The following MYO6 variants were observed in gnomAD, a reference collection of about 807,000 sequenced individuals.
The protein encoded by MYO6 is unconventional myosin-VI.
MYO6 carries 74 observed loss-of-function variants against 178.7 expected under a neutral mutation model. The observed-to-expected ratio is 0.41, with a 90% confidence interval of 0.34 to 0.50. The LOEUF (loss-of-function observed/expected upper bound fraction) is 0.50, where lower values mean the gene tolerates loss of function less well. Among genes scored for constraint, MYO6 ranks in the 20% least tolerant of loss-of-function variants. MYO6 has a pLI of 0.09. For synonymous variants in MYO6, 477 were observed against 504.6 expected, an observed-to-expected ratio of 0.95 and a Z score of 0.73; for missense variants, 1,330 against 1,547.4, an observed-to-expected ratio of 0.86 and a Z score of 2.36.
chr6:75,902,116 A>G (rs1779831281), intron 30 of MYO6, among the ~76,000 whole-genome samples: 1 of 152,108 alleles, frequency 6.6e-6, no homozygotes. Flanking sequence ...GTGCTGCTGG[A>G]TTTGGTTTGC....
chr6:75,886,727 A>G (rs983515637), intron 24 of MYO6, 117 bp from the exon 25 acceptor site: 1 of 972,258 alleles, frequency 1.0e-6, no homozygotes, highest in African/African-American at 1.6e-5. Flanking sequence ...GAAAAAGAGA[A>G]TAGTAGATAA....
chr6:75,866,810 G>A (rs6453845), intron 17 of MYO6, 122 bp from the exon 18 acceptor site: 4 of 1,133,226 alleles, frequency 3.5e-6, no homozygotes, highest in Admixed American at 1.9e-5. Flanking sequence ...TAGTGGTGAC[G>A]GCGTTGGACA....
intron 1 of MYO6, among the ~76,000 whole-genome samples, chr6:75,786,811 T>C (rs1767612985): frequency 6.6e-6 from 1 of 152,208 alleles, no homozygotes; most frequent in South Asian, 2.1e-4. Context: ...TGACTGTAAG[T>C]TGACATGCTG....
intron 30 of MYO6, among the ~76,000 whole-genome samples, chr6:75,903,104 T>C (rs2149400617): frequency 6.6e-6 from 1 of 152,334 alleles, no homozygotes; most frequent in African/African-American, 2.4e-5. Context: ...TTTGTTATAA[T>C]TTCTCTTCCT....
intron 13 of MYO6, among the ~76,000 whole-genome samples, chr6:75,857,786 T>G (rs970351854): frequency 1.2e-4 from 19 of 152,282 alleles, no homozygotes; most frequent in African/African-American, 4.6e-4. Flanking sequence ...TGTAGAGCTG[T>G]TCAACCAGAA....
At position 75,916,875 on chromosome 6, in the gene MYO6, G is replaced by A. The variant is rs1381080798; in HGVS notation, c.*1863G>A. On this transcript the variant is annotated 3_prime_UTR_variant, in exon 35 of 35. Coordinates refer to ENST00000369977, the MANE Select transcript of MYO6 (RefSeq NM_004999.4). Reference sequence around the variant, plus strand: ...AAGAAATGTATCACAGCAAAGGGTTGTTATAAGTCCTTAGTTTTTGACTCT... The same window carrying A: ...AAGAAATGTATCACAGCAAAGGGTTATTATAAGTCCTTAGTTTTTGACTCT... The A allele has an allele frequency of 6.6e-6, 1 of 152,150 alleles. No homozygotes were observed. Among genetic ancestry groups the A allele is most frequent in the East Asian group, 1.9e-4 (1 of 5,200 alleles). The allele number at this position is 152,150 out of a possible 1,614,324, so 9.4% of individuals were successfully genotyped here.
intron 1 of MYO6, among the ~76,000 whole-genome samples, chr6:75,804,279 C>T (rs937107185): frequency 6.6e-6 from 1 of 152,232 alleles, no homozygotes; most frequent in African/African-American, 2.4e-5. Context: ...ACAAAACTTA[C>T]TAGCCACAGC....
chr6:75,757,214 CAT>C (rs774409391), intron 1 of MYO6, among the ~76,000 whole-genome samples: 13 of 144,992 alleles, frequency 9.0e-5, no homozygotes, highest in South Asian at 4.3e-4. Context: ...TGTATATAGA[CAT>C]ATATACATAT....
intron 34 of MYO6, 82 bp downstream of exon 34, chr6:75,914,363 ATAAT>A: frequency 7.5e-7 from 1 of 1,329,604 alleles, no homozygotes; most frequent in Non-Finnish European, 1.1e-6. Context: ...AATGTATAAT[ATAAT>A]AATTTATTAC....
chr6:75,856,484 CTTT>C (rs369616135), intron 12 of MYO6, among the ~76,000 whole-genome samples: 2 of 138,662 alleles, frequency 1.4e-5, no homozygotes, highest in Non-Finnish European at 1.6e-5. Context: ...ATTTGACTTT[CTTT>C]TTTTTTTTTT....
At chr6:75,753,455 G>GTGTGTGTGTGTGTGTATATA (rs370647728) in intron 1 of MYO6, among the ~76,000 whole-genome samples, 5 of 140,038 alleles carry the variant, frequency 3.6e-5, no homozygotes, top group African/African-American at 1.1e-4. Flanking sequence ...GTGTGTGTGT[G>GTGTGTGTGTGTGTGTATATA]TATATATATA....
At chr6:75,860,878 T>A in intron 14 of MYO6, 145 bp from the exon 15 acceptor site, 1 of 670,934 alleles carries the variant, frequency 1.5e-6, no homozygotes, top group Non-Finnish European at 2.6e-6. Context: ...CAAAAATCTG[T>A]TATGTTTTTG....
chr6:75,907,784 G>A (rs1581994666), intron 31 of MYO6, 76 bp downstream of exon 31: 1 of 1,072,038 alleles, frequency 9.3e-7, no homozygotes. Context: ...AGGGTGAGGT[G>A]TGTGTGTGTA....
intron 16 of MYO6, among the ~76,000 whole-genome samples, chr6:75,863,838 T>G (rs1254272474): frequency 1.3e-5 from 2 of 152,150 alleles, no homozygotes; most frequent in Non-Finnish European, 2.9e-5. Context: ...CTTGAGTCTT[T>G]AGAGCCATTT....
chr6:75,791,085 A>G (rs964901676), intron 1 of MYO6, among the ~76,000 whole-genome samples: 3 of 152,036 alleles, frequency 2.0e-5, no homozygotes, highest in African/African-American at 7.2e-5. Flanking sequence ...GGCGCCTGCC[A>G]CCACGCCTGG....
At chr6:75,838,652 T>G (rs1044028098) in intron 7 of MYO6, among the ~76,000 whole-genome samples, 3 of 151,694 alleles carry the variant, frequency 2.0e-5, no homozygotes, top group African/African-American at 7.3e-5. Flanking sequence ...ACCATGGTTT[T>G]TTTTTTTTTT....
chr6:75,861,006 G>A lies in MYO6; in HGVS notation c.1474-17G>A. 6.5e-7 allele frequency: 1 copy of A among 1,529,348 alleles called. No homozygotes were observed. The highest frequency in any genetic ancestry group is 9.1e-7 in the Non-Finnish European group (1 of 1,103,620). 94.7% of individuals were successfully genotyped at this position (1,529,348 alleles called of 1,614,324 possible). A position where few individuals can be genotyped will look rare whatever the true frequency, so the allele number is the denominator to read the frequency against. ...TCAGTATTGCTGTATCTATGATTATGATTATTTCATTTTTAGGAACAAGAA... is the reference window on the plus strand; with the variant it reads ...TCAGTATTGCTGTATCTATGATTATAATTATTTCATTTTTAGGAACAAGAA... On this transcript the variant is annotated splice_polypyrimidine_tract_variant and intron_variant, in intron 14 of 34. Transcript: ENST00000369977.
chr6:75,836,956 A>G (rs952766808), intron 7 of MYO6, among the ~76,000 whole-genome samples: 4 of 152,146 alleles, frequency 2.6e-5, no homozygotes, highest in African/African-American at 9.7e-5. Flanking sequence ...GATTCATAAC[A>G]TCACCCACAG....
chr6:75,881,918 CTG>C lies in MYO6; in HGVS notation c.2416+101_2416+102del, dbSNP rs1778063073. On this transcript the variant is annotated intron_variant, in intron 23 of 34. Coordinates refer to ENST00000369977, the MANE Select transcript of MYO6 (RefSeq NM_004999.4). Reference sequence around the variant, plus strand: ...CAGAGGTGATGCTGAGCAACAGAGACTGAGACTTGTTCACACTGGGTCCCAGG... The same window carrying C: ...CAGAGGTGATGCTGAGCAACAGAGACAGACTTGTTCACACTGGGTCCCAGG... 8 of 1,413,860 alleles carry C rather than the reference CTG, an allele frequency of 5.7e-6. No homozygotes were observed. The South Asian group carries it at 9.3e-5, about 16-fold the overall frequency. The allele number at this position is 1,413,860 out of a possible 1,614,324, so 87.6% of individuals were successfully genotyped here.
Sources: gnomAD v4.1 joint callset for allele counts (sites outside exome capture counted in the v4.1 genomes callset) on GRCh38, gnomAD v4.1.1 for gene constraint, MANE v1.5 for transcripts, NCBI Gene and HGNC (gene_info 2026-07-23, HGNC 2026-07-21) for gene names.